Variants in ADAMTS16 observed in about 807,000 individuals in gnomAD.
ADAMTS16 encodes ADAM metallopeptidase with thrombospondin type 1 motif 16, also known as A disintegrin and metalloproteinase with thrombospondin motifs 16.
Under a neutral mutation model 145.8 loss-of-function variants are expected in ADAMTS16, and 94 were observed. The ratio of observed to expected loss-of-function variants is 0.64; its 90% CI spans 0.55 to 0.77. ADAMTS16 has a LOEUF of 0.77. Ranked by LOEUF, ADAMTS16 falls within the 30% of genes least tolerant of loss-of-function variation. The pLI is 0.00. For synonymous variants in ADAMTS16, 659 were observed against 604.3 expected (o/e 1.09, Z -1.33); for missense variants, 1,585 against 1,591.5 (o/e 1.00, Z 0.07).
chr5:5,287,304 C>A (rs1182941874), intron 18 of ADAMTS16, among the ~76,000 whole-genome samples: 1 of 152,176 alleles, frequency 6.6e-6, no homozygotes, highest in Non-Finnish European at 1.5e-5. Flanking sequence ...ATCGTGGTAG[C>A]TATTTGAAAG....
Position 5,220,629 on chromosome 5 carries a change from G to A in ADAMTS16, c.1606-2160G>A, listed in dbSNP as rs572803277. Among the ~76,000 whole-genome samples the A allele has an allele frequency of 7.4e-3, 1,128 of 152,174 alleles. 16 individuals carry two copies. Among genetic ancestry groups the A allele is most frequent in the African/African-American group, 0.026 (1,068 of 41,514 alleles). ...CTCCTCAAGCCCTTAAGCGAGAAAGGAAAGGTGCAGTGCCCTAGTGCCTTT... is the reference window on the plus strand; with the variant it reads ...CTCCTCAAGCCCTTAAGCGAGAAAGAAAAGGTGCAGTGCCCTAGTGCCTTT... On this transcript the variant is annotated intron_variant, in intron 10 of 22. Coordinates refer to ENST00000274181, the MANE Select transcript of ADAMTS16 (RefSeq NM_139056.4).
chr5:5,143,278 A>G (rs925328376), intron 2 of ADAMTS16, among the ~76,000 whole-genome samples: 3 of 152,220 alleles, frequency 2.0e-5, no homozygotes, highest in Non-Finnish European at 4.4e-5. Context: ...AAACAAATTT[A>G]GAAGAAAAAA....
chr5:5,305,232 CCA>C (rs1419723430), intron 20 of ADAMTS16, among the ~76,000 whole-genome samples: 7 of 98,712 alleles, frequency 7.1e-5, no homozygotes, highest in African/African-American at 2.4e-4. Flanking sequence ...ACATCCCACA[CCA>C]CACACACACA....
At chr5:5,318,009 G>C in intron 21 of ADAMTS16, 125 bp from the exon 22 acceptor site, 3 of 1,106,836 alleles carry the variant, frequency 2.7e-6, no homozygotes, top group Non-Finnish European at 3.5e-6. Context: ...ACCTGCCTCT[G>C]CGACTAAGTC....
chr5:5,277,749 G>C (rs1415342558), intron 18 of ADAMTS16, among the ~76,000 whole-genome samples: 1 of 152,198 alleles, frequency 6.6e-6, no homozygotes, highest in African/African-American at 2.4e-5. Context: ...GGTGAGGCCG[G>C]AGGATCGCTT....
intron 18 of ADAMTS16, among the ~76,000 whole-genome samples, chr5:5,296,724 T>A (rs1579393321): frequency 6.6e-6 from 1 of 152,194 alleles, no homozygotes; most frequent in East Asian, 1.9e-4. Context: ...CCACGGCAGC[T>A]GCCCCTTTGT....
chr5:5,239,242 G>A lies in ADAMTS16; in HGVS notation c.2246G>A (p.Arg749Lys). 1.3e-6 allele frequency: 2 copies of A among 1,598,644 alleles called. No homozygotes were observed. Among genetic ancestry groups the A allele is most frequent in the Non-Finnish European group, 1.7e-6 (2 of 1,173,752 alleles). Residue 749 changes from arginine to lysine, a missense_variant, in exon 15 of 23, where the codon AGG becomes AAG. Physicochemically the swap from Arg to Lys is conservative, Grantham distance 26 (BLOSUM62 2). Coordinates refer to ENST00000274181, the MANE Select transcript of ADAMTS16 (RefSeq NM_139056.4). ...AATAACTCAGCCTGCACGATTCACA[G>A]GGGTCTCTACACCAAGCACCACCAC... The part of the protein sequence containing the change: ...NGNNSACTIH[R>K]GLYTKHHHTN...
intron 3 of ADAMTS16, among the ~76,000 whole-genome samples, chr5:5,179,349 T>G (rs1478121469): frequency 2.7e-5 from 4 of 150,268 alleles, no homozygotes; most frequent in African/African-American, 9.8e-5. Flanking sequence ...TGAGGGGGGG[T>G]TTGAAAAGTG....
Position 5,146,263 on chromosome 5 carries a change from C to T in ADAMTS16, c.309C>T (p.Gly103=), listed in dbSNP as rs372021969. The T allele has an allele frequency of 2.5e-5, 41 of 1,614,056 alleles. No homozygotes were observed. In the African/African-American group the frequency reaches 5.5e-4, roughly 22 times the overall value. ...EVESLHLRLK[G]SRHDFHMDLR... ...AGTCTCTTCACCTTCGGCTGAAAGG[C>T]TCCAGGCACGACTTCCACATGGATC... The change falls in exon 3 of 23, where the codon GGC becomes GGT. Residue 103 remains glycine (G), a synonymous_variant. Coordinates refer to ENST00000274181, the MANE Select transcript of ADAMTS16 (RefSeq NM_139056.4).
At position 5,209,165 on chromosome 5, in the gene ADAMTS16, A is replaced by G. The variant is rs1160793271; in HGVS notation, c.1524A>G (p.Pro508=). 6.2e-7 allele frequency: 1 copy of G among 1,614,086 alleles called. No homozygotes were observed. Among genetic ancestry groups the G allele is most frequent in the Non-Finnish European group, 8.5e-7 (1 of 1,179,930 alleles). Residue 508 remains proline (P), a synonymous_variant, in exon 10 of 23, where the codon CCA becomes CCG. Coordinates refer to ENST00000274181, the MANE Select transcript of ADAMTS16 (RefSeq NM_139056.4). Reference sequence around the variant, plus strand: ...AATACAAGTATCCTGAGAAATTGCCAGGAGAATTATATGATGCAAACACAC... The same window carrying G: ...AATACAAGTATCCTGAGAAATTGCCGGGAGAATTATATGATGCAAACACAC... ...VKEYKYPEKL[P]GELYDANTQC...
At chr5:5,201,933 T>G (rs1021291185) in intron 9 of ADAMTS16, among the ~76,000 whole-genome samples, 1 of 152,176 alleles carries the variant, frequency 6.6e-6, no homozygotes, top group African/African-American at 2.4e-5. Context: ...TCTTTCTTCC[T>G]TTTTTATTCA....
intron 3 of ADAMTS16, among the ~76,000 whole-genome samples, chr5:5,162,716 C>A (rs1045604027): frequency 1.3e-5 from 2 of 148,148 alleles, no homozygotes; most frequent in East Asian, 3.9e-4. Context: ...GATGAAAGAC[C>A]AGAGAGAGAG....
rs769507235 is a variant in ADAMTS16 at position 5,303,363 on chromosome 5, C to T, written c.2885C>T (p.Ser962Leu). 6.2e-7 allele frequency: 1 copy of T among 1,601,150 alleles called. No homozygotes were observed. The highest frequency in any genetic ancestry group is 8.5e-7 in the Non-Finnish European group (1 of 1,175,128). The stretch of plus-strand genomic sequence containing the variant: ...TGCACACGGCGGGTGCACTATGACT[C>T]GGAGCCAGTCCCGGCCAGCCTGTGC... ...VQCTRRVHYD[S>L]EPVPASLCPQ... The change falls in exon 19 of 23, where the codon TCG becomes TTG. Residue 962 changes from serine to leucine, a missense_variant. Transcript: ENST00000274181.
chr5:5,196,624 A>T (rs1362325629), intron 8 of ADAMTS16, among the ~76,000 whole-genome samples: 1 of 152,240 alleles, frequency 6.6e-6, no homozygotes, highest in African/African-American at 2.4e-5. Flanking sequence ...TTTGAAATCC[A>T]TTAATATTTG....
intron 2 of ADAMTS16, among the ~76,000 whole-genome samples, chr5:5,145,463 GA>G (rs1202468953): frequency 6.6e-6 from 1 of 152,192 alleles, no homozygotes; most frequent in Non-Finnish European, 1.5e-5. Context: ...AATCAGCCAT[GA>G]GGGGAAGATT....
intron 10 of ADAMTS16, among the ~76,000 whole-genome samples, chr5:5,215,069 G>A (rs935794284): frequency 1.3e-5 from 2 of 152,062 alleles, no homozygotes; most frequent in Non-Finnish European, 2.9e-5. Context: ...TTTTAGGAAG[G>A]GATGAATCTC....
intron 17 of ADAMTS16, among the ~76,000 whole-genome samples, chr5:5,261,026 A>T (rs1404261898): frequency 6.6e-6 from 1 of 152,218 alleles, no homozygotes; most frequent in Non-Finnish European, 1.5e-5. Context: ...CACCCAATCC[A>T]CAGGACTTCT....
At chr5:5,296,042 T>C (rs1396741525) in intron 18 of ADAMTS16, among the ~76,000 whole-genome samples, 3 of 152,234 alleles carry the variant, frequency 2.0e-5, no homozygotes, top group African/African-American at 7.2e-5. Flanking sequence ...AACGTTAATA[T>C]TGGAGACCAT....
chr5:5,255,656 G>A (rs1234792278), intron 17 of ADAMTS16, among the ~76,000 whole-genome samples: 4 of 152,184 alleles, frequency 2.6e-5, no homozygotes, highest in Non-Finnish European at 4.4e-5. Flanking sequence ...TGATTAGTGG[G>A]ATCTAACTGA....
Sources: allele counts gnomAD v4.1 joint callset (sites outside exome capture counted in the v4.1 genomes callset), GRCh38; gene constraint gnomAD v4.1.1; transcripts MANE v1.5; gene names NCBI Gene and HGNC (gene_info 2026-07-23, HGNC 2026-07-21).